Variants in CD160 observed in about 807,000 individuals in gnomAD.
CD160 encodes CD160 antigen.
In CD160, 11 loss-of-function variants were observed where a neutral mutation model predicts 19.2. The observed-to-expected ratio is 0.57, with a 90% CI of 0.36 to 0.95. The LOEUF (loss-of-function observed/expected upper bound fraction) is 0.95, where lower values mean the gene tolerates loss of function less well. Ranked by LOEUF, CD160 falls within the 40% of genes least tolerant of loss-of-function variation. The pLI, the probability that CD160 is intolerant of heterozygous loss-of-function variation, is 0.01. For synonymous variants in CD160, 75 were observed against 81.1 expected (o/e 0.93, Z 0.40); for missense variants, 182 against 213.2 (o/e 0.85, Z 0.91).
rs186302532 is a variant in CD160, at chr1:145,720,429, T to C, written c.-179+870T>C. On this transcript the variant is annotated intron_variant, in intron 1 of 5. Coordinates refer to ENST00000369288, the MANE Select transcript of CD160 (RefSeq NM_007053.4). ...GCTTTGGTGTGTTGAGCAGGAAGCCTGAGATCTCAGACAAGAGCTTCAAGG... is the reference window on the plus strand; with the variant it reads ...GCTTTGGTGTGTTGAGCAGGAAGCCCGAGATCTCAGACAAGAGCTTCAAGG... 4.3e-3 allele frequency among the ~76,000 whole-genome samples: 649 copies of C among 152,280 alleles called. 1 individual carries two copies. The highest frequency in any genetic ancestry group is 0.015 in the African/African-American group (613 of 41,550).
chr1:145,728,280 A>C lies in CD160; in HGVS notation c.-48A>C, dbSNP rs2101383181. ...GGAGACTGAAGCCAAGGATACCAGCAGAGCCAACATTTGCTTCAAGTTCCT... is the reference window on the plus strand; with the variant it reads ...GGAGACTGAAGCCAAGGATACCAGCCGAGCCAACATTTGCTTCAAGTTCCT... On this transcript the variant is annotated 5_prime_UTR_variant, in exon 3 of 6. Coordinates refer to ENST00000369288, the MANE Select transcript of CD160 (RefSeq NM_007053.4). The C allele has an allele frequency of 1.4e-6, 2 of 1,417,478 alleles. No homozygotes were observed. The highest frequency in any genetic ancestry group is 2.0e-6 in the Non-Finnish European group (2 of 1,006,466). 87.8% of individuals were successfully genotyped at this position (1,417,478 alleles called of 1,614,324 possible). A position where few individuals can be genotyped will look rare whatever the true frequency, so the allele number is the denominator to read the frequency against.
At chr1:145,736,236 A>AG (rs1657487669) in intron 5 of CD160, 102 bp downstream of exon 5, 1 of 1,578,274 alleles carries the variant, frequency 6.3e-7, no homozygotes, top group Non-Finnish European at 8.6e-7. Context: ...AAGGATGTCC[A>AG]GGGGGAGAGA....
intron 5 of CD160, chr1:145,737,261 A>T (rs2101415643): frequency 6.6e-6 from 1 of 152,144 alleles, no homozygotes; most frequent in African/African-American, 2.4e-5. Context: ...AAAGGAAAAA[A>T]AAAAAAAAAA....
intron 2 of CD160, among the ~76,000 whole-genome samples, chr1:145,727,918 T>C (rs587707056): frequency 1.1e-4 from 17 of 152,338 alleles, no homozygotes; most frequent in Non-Finnish European, 2.1e-4. Context: ...TCAAGCATTC[T>C]TGGTGAACAT....
intron 4 of CD160, among the ~76,000 whole-genome samples, chr1:145,733,527 G>A (rs1553709696): frequency 6.6e-6 from 1 of 152,122 alleles, no homozygotes; most frequent in Non-Finnish European, 1.5e-5. Flanking sequence ...TTGAACAAAT[G>A]TTTCTAATCA....
chr1:145,720,961 G>A (rs1447670743), intron 1 of CD160, among the ~76,000 whole-genome samples: 1 of 152,160 alleles, frequency 6.6e-6, no homozygotes, highest in Non-Finnish European at 1.5e-5. Context: ...GGCCACCAGC[G>A]CAGCTCAGGA....
At chr1:145,731,099 C>G (rs1553709182) in intron 4 of CD160, 29 bp downstream of exon 4, 8 of 1,554,768 alleles carry the variant, frequency 5.1e-6, no homozygotes, top group Non-Finnish European at 7.1e-6. Context: ...CTAATGCCAC[C>G]AGGTGGGACA....
chr1:145,728,137 A>G, intron 2 of CD160, 119 bp from the exon 3 acceptor site: 1 of 556,098 alleles, frequency 1.8e-6, no homozygotes, highest in Non-Finnish European at 3.2e-6. Context: ...CTGGACTCTC[A>G]TGCCCAAGCC....
At chr1:145,735,886 C>T in intron 4 of CD160, 111 bp from the exon 5 acceptor site, 1 of 766,736 alleles carries the variant, frequency 1.3e-6, no homozygotes, top group Non-Finnish European at 2.2e-6. Context: ...CAACGAATTA[C>T]AGAGGGAGGA....
chr1:145,734,904 C>T (rs1051678432), intron 4 of CD160, among the ~76,000 whole-genome samples: 1 of 152,014 alleles, frequency 6.6e-6, no homozygotes, highest in Non-Finnish European at 1.5e-5. Context: ...ATCAGGAGTT[C>T]GAGACAAGCC....
At chr1:145,725,128 T>C (rs587686647) in intron 2 of CD160, among the ~76,000 whole-genome samples, 1 of 151,478 alleles carries the variant, frequency 6.6e-6, no homozygotes, top group Admixed American at 6.6e-5. Context: ...ATGAAAAGAA[T>C]AACATACTAG....
rs782139756 is a variant in CD160 at position 145,735,996 on chromosome 1, G to C, written c.401-1G>C. The C allele has an allele frequency of 1.1e-5, 17 of 1,604,076 alleles. No homozygotes were observed. In the South Asian group the frequency reaches 1.2e-4, roughly 11 times the overall value. On this transcript the variant is annotated splice_acceptor_variant, in intron 4 of 5. Transcript: ENST00000369288. LOFTEE classifies it high-confidence loss of function. Reference sequence around the variant, plus strand: ...TGATCCATGATTCTCTTTTGAACCAGAGACAGGGAACTACACAGTGACGGG... The same window carrying C: ...TGATCCATGATTCTCTTTTGAACCACAGACAGGGAACTACACAGTGACGGG...
chr1:145,734,835 G>T (rs1657418138), intron 4 of CD160, among the ~76,000 whole-genome samples: 1 of 152,180 alleles, frequency 6.6e-6, no homozygotes, highest in Non-Finnish European at 1.5e-5. Flanking sequence ...CAGGGTGGGT[G>T]GTGGCTCACG....
chr1:145,726,083 C>A (rs1311667198), intron 2 of CD160, among the ~76,000 whole-genome samples: 5 of 152,022 alleles, frequency 3.3e-5, no homozygotes, highest in Non-Finnish European at 7.4e-5. Flanking sequence ...CGAGTGGAAA[C>A]AACAGATGCT....
chr1:145,729,411 G>A (rs1297163898), intron 3 of CD160, among the ~76,000 whole-genome samples: 3 of 152,222 alleles, frequency 2.0e-5, no homozygotes, highest in Non-Finnish European at 4.4e-5. Context: ...TCTGCCGGAT[G>A]AGTTTTCAGC....
Position 145,730,843 on chromosome 1 carries a change from T to C in CD160, c.173T>C (p.Val58Ala). ...HKKEEAEGFV[V>A]FLCKDRSGDC... is the part of the protein sequence containing the mutation. The stretch of plus-strand genomic sequence containing the variant: ...AAAGAAGAGGCTGAGGGGTTTGTAG[T>C]GTTTTTGTGCAAGGACAGGTCTGGA... The change falls in exon 4 of 6, where the codon GTG becomes GCG. Residue 58 changes from valine (V) to alanine (A), a missense_variant. Coordinates refer to ENST00000369288, the MANE Select transcript of CD160 (RefSeq NM_007053.4). The C allele has an allele frequency of 1.2e-6, 2 of 1,614,174 alleles. No individual in the cohort carries two copies. Among genetic ancestry groups the C allele is most frequent in the South Asian group, 1.1e-5 (1 of 91,086 alleles).
chr1:145,733,662 C>A (rs587640841), intron 4 of CD160, among the ~76,000 whole-genome samples: 4 of 152,238 alleles, frequency 2.6e-5, no homozygotes, highest in Non-Finnish European at 5.9e-5. Context: ...CTATTCCCTC[C>A]TTCATCAAAC....
chr1:145,738,631 C>G lies in CD160; in HGVS notation c.*138C>G, dbSNP rs1657592367. On this transcript the variant is annotated 3_prime_UTR_variant, in exon 6 of 6. Transcript: ENST00000369288. ...AAGAGATGCTAAATATACCAAGAAT[C>G]TGTGGAAATATAAGCTGGGGCAAAT... is the stretch of plus-strand genomic sequence containing the variant. 1.9e-6 allele frequency: 1 copy of G among 535,332 alleles called. No homozygotes were observed. The highest frequency in any genetic ancestry group is 1.9e-5 in the African/African-American group (1 of 51,732). The allele number at this position is 535,332 out of a possible 1,614,324, so 33.2% of individuals were successfully genotyped here.
intron 4 of CD160, among the ~76,000 whole-genome samples, chr1:145,731,527 G>A (rs982290599): frequency 3.9e-5 from 6 of 152,068 alleles, no homozygotes; most frequent in South Asian, 2.1e-4. Flanking sequence ...AAAATTAGCC[G>A]GGTGTGGTGG....
Sources: allele counts gnomAD v4.1 joint callset (sites outside exome capture counted in the v4.1 genomes callset), GRCh38; gene constraint gnomAD v4.1.1; transcripts MANE v1.5; gene names NCBI Gene and HGNC (gene_info 2026-07-23, HGNC 2026-07-21).